Variants in CTNNA3 observed in about 807,000 individuals in gnomAD.
CTNNA3 encodes the protein catenin alpha-3.
Under a neutral mutation model 95.7 loss-of-function variants are expected in CTNNA3, and 76 were observed. The observed-to-expected ratio is 0.79, with a 90% CI of 0.66 to 0.96. CTNNA3 has a LOEUF of 0.96. Among genes scored for constraint, CTNNA3 ranks in the 40% least tolerant of loss-of-function variants. CTNNA3 has a pLI of 0.00. For synonymous variants in CTNNA3, 431 were observed against 374.4 expected (o/e 1.15, Z -1.74); for missense variants, 1,191 against 1,089.8 (o/e 1.09, Z -1.31).
chr10:67,106,842 GCCTC>G (rs1439520830), intron 7 of CTNNA3, among the ~76,000 whole-genome samples: 1 of 152,130 alleles, frequency 6.6e-6, no homozygotes, highest in Non-Finnish European at 1.5e-5. Context: ...CCTAATATAT[GCCTC>G]TTGGAAGGTA....
Position 67,590,839 on chromosome 10 carries a change from T to G in CTNNA3, c.292+16018A>C, listed in dbSNP as rs1402730368. 2.0e-5 allele frequency among the ~76,000 whole-genome samples: 3 copies of G among 152,232 alleles called. No individual in the cohort carries two copies. The South Asian group carries it at 6.2e-4, about 32-fold the overall frequency. ...TATCTTTCCATTTTCTTTTAAAAAT[T>G]TTTTGACAGAACAAAGTTCTTAATT... On this transcript the variant is annotated intron_variant, in intron 3 of 17. Transcript: ENST00000433211.
intron 14 of CTNNA3, among the ~76,000 whole-genome samples, chr10:66,071,739 C>A (rs1284904070): frequency 6.6e-6 from 1 of 152,136 alleles, no homozygotes; most frequent in Non-Finnish European, 1.5e-5. Flanking sequence ...ACCTGACAGG[C>A]TGTTTTGGAC....
chr10:67,492,605 C>G (rs1838885932), intron 5 of CTNNA3, among the ~76,000 whole-genome samples: 1 of 152,204 alleles, frequency 6.6e-6, no homozygotes, highest in Non-Finnish European at 1.5e-5. Context: ...ACAGTGATAA[C>G]TGCTATGAAG....
intron 3 of CTNNA3, among the ~76,000 whole-genome samples, chr10:67,543,617 G>C (rs1316141607): frequency 6.6e-6 from 1 of 152,058 alleles, no homozygotes; most frequent in African/African-American, 2.4e-5. Context: ...ACTTTTACTT[G>C]ACATTATGTT....
chr10:66,461,819 T>A (rs182450178), intron 11 of CTNNA3, among the ~76,000 whole-genome samples: 4 of 150,672 alleles, frequency 2.7e-5, no homozygotes, highest in African/African-American at 9.7e-5. Context: ...CTCCAATTTT[T>A]TTTTTTTTTT....
chr10:67,314,755 A>T (rs1840969846), intron 5 of CTNNA3, among the ~76,000 whole-genome samples: 2 of 152,212 alleles, frequency 1.3e-5, no homozygotes, highest in Admixed American at 1.3e-4. Context: ...AAAATTGCTA[A>T]TGTCCAAATT....
At chr10:66,467,249 G>A (rs140816561) in intron 11 of CTNNA3, among the ~76,000 whole-genome samples, 128 of 152,096 alleles carry the variant, frequency 8.4e-4, no homozygotes, top group African/African-American at 3.0e-3. Context: ...GTGCATTCAT[G>A]CACTGACTCA....
intron 3 of CTNNA3, among the ~76,000 whole-genome samples, chr10:67,553,462 A>T (rs1564734175): frequency 6.6e-6 from 1 of 152,170 alleles, no homozygotes; most frequent in Non-Finnish European, 1.5e-5. Flanking sequence ...TCCTCTTAAA[A>T]TGTTACTAAT....
intron 7 of CTNNA3, among the ~76,000 whole-genome samples, chr10:66,946,235 A>G (rs1462745035): frequency 6.6e-6 from 1 of 152,052 alleles, no homozygotes; most frequent in Non-Finnish European, 1.5e-5. Context: ...ATAGAGAGGG[A>G]GAGAATTGGA....
chr10:67,154,835 T>C (rs1204032480), intron 7 of CTNNA3, among the ~76,000 whole-genome samples: 1 of 152,164 alleles, frequency 6.6e-6, no homozygotes, highest in Non-Finnish European at 1.5e-5. Context: ...CTCAGTTCTT[T>C]CCAGAATTCA....
chr10:66,277,816 A>C (rs529466064), intron 13 of CTNNA3, among the ~76,000 whole-genome samples: 2 of 152,132 alleles, frequency 1.3e-5, no homozygotes, highest in South Asian at 2.1e-4. Context: ...AGTGTACTTA[A>C]AGAAATAATA....
chr10:67,152,292 C>T (rs1415860818), intron 7 of CTNNA3, among the ~76,000 whole-genome samples: 2 of 152,078 alleles, frequency 1.3e-5, no homozygotes, highest in Admixed American at 6.5e-5. Flanking sequence ...GAACTACATA[C>T]AGAATAAGAA....
intron 5 of CTNNA3, among the ~76,000 whole-genome samples, chr10:67,468,031 TTTTAAC>T (rs1321532063): frequency 1.3e-5 from 2 of 152,052 alleles, no homozygotes; most frequent in Non-Finnish European, 2.9e-5. Flanking sequence ...TTTTTTTTTT[TTTTAAC>T]TTTAAGTTCA....
At chr10:66,552,896 TA>T (rs987551905) in intron 10 of CTNNA3, among the ~76,000 whole-genome samples, 8 of 151,938 alleles carry the variant, frequency 5.3e-5, no homozygotes, top group African/African-American at 1.2e-4. Context: ...TGATATTTGT[TA>T]AAAAAAATTC....
rs1266627511 is a variant in CTNNA3, at chr10:66,537,346, C to G, written c.1375-16573G>C. 5.3e-5 allele frequency among the ~76,000 whole-genome samples: 8 copies of G among 152,004 alleles called. No homozygotes were observed. The East Asian group carries it at 1.5e-3, about 29-fold the overall frequency. On this transcript the variant is annotated intron_variant, in intron 10 of 17. Transcript: ENST00000433211. ...ATAGAGTTCACTCACATTCAAGGTT[C>G]AATATGTTTGAATACAAACACAAGA...
chr10:67,392,843 G>A (rs1326963551), intron 5 of CTNNA3, among the ~76,000 whole-genome samples: 1 of 151,972 alleles, frequency 6.6e-6, no homozygotes, highest in African/African-American at 2.4e-5. Flanking sequence ...ACTCATAGGT[G>A]GGAATTGAAC....
At chr10:66,710,243 A>G (rs1456093763) in intron 9 of CTNNA3, among the ~76,000 whole-genome samples, 1 of 152,190 alleles carries the variant, frequency 6.6e-6, no homozygotes, top group East Asian at 1.9e-4. Flanking sequence ...TCAAGGTCAC[A>G]GCAGAATCAT....
chr10:66,136,783 G>T (rs565350806), intron 13 of CTNNA3, among the ~76,000 whole-genome samples: 1 of 152,032 alleles, frequency 6.6e-6, no homozygotes, highest in South Asian at 2.1e-4. Flanking sequence ...TGAAATTTTA[G>T]TATCTATTAC....
At chr10:66,443,671 T>C (rs1173452781) in intron 11 of CTNNA3, among the ~76,000 whole-genome samples, 1 of 151,968 alleles carries the variant, frequency 6.6e-6, no homozygotes. Flanking sequence ...AAAACCCATC[T>C]GTACGTTGCC....
Sources: allele counts gnomAD v4.1 joint callset (sites outside exome capture counted in the v4.1 genomes callset), GRCh38; gene constraint gnomAD v4.1.1; transcripts MANE v1.5; gene names NCBI Gene and HGNC (gene_info 2026-07-23, HGNC 2026-07-21).